WDR1: variants seen among roughly 807,000 people sequenced by gnomAD.
The protein encoded by WDR1 is WD repeat-containing protein 1.
WDR1 carries 21 observed loss-of-function variants against 71.9 expected under a neutral mutation model. The observed-to-expected ratio is 0.29, with a 90% confidence interval of 0.21 to 0.42. WDR1 has a LOEUF of 0.42. Ranked by LOEUF, WDR1 falls within the 10% of genes least tolerant of loss-of-function variation. The pLI is 1.00. For synonymous variants in WDR1, 424 were observed against 347.4 expected (o/e 1.22, Z -2.45); for missense variants, 696 against 824.5 (o/e 0.84, Z 1.91).
At chr4:10,107,358 T>C (rs4697920) in intron 2 of WDR1, among the ~76,000 whole-genome samples, 152,101 of 152,334 alleles carry the variant, frequency 1, 75,934 homozygotes, top group Middle Eastern at 1. Flanking sequence ...CCTCCTGTTC[T>C]TCCTGGGAAG....
intron 1 of WDR1, 168 bp downstream of exon 1, chr4:10,116,483 G>T (rs1265917132): frequency 1.2e-5 from 9 of 725,406 alleles, no homozygotes; most frequent in African/African-American, 1.9e-5. Flanking sequence ...CCCCCGTCGG[G>T]GGTCCCGCCC....
intron 8 of WDR1, among the ~76,000 whole-genome samples, chr4:10,085,367 A>T (rs1022013873): frequency 2.0e-5 from 3 of 152,240 alleles, no homozygotes; most frequent in Non-Finnish European, 4.4e-5. Flanking sequence ...CACAGTTACC[A>T]GTGGGACTGG....
chr4:10,112,435 C>G (rs1179993802), intron 2 of WDR1, among the ~76,000 whole-genome samples: 1 of 152,200 alleles, frequency 6.6e-6, no homozygotes, highest in Non-Finnish European at 1.5e-5. Flanking sequence ...ATATTAGTTT[C>G]TACATGGCCA....
At position 10,084,448 on chromosome 4, in the gene WDR1, T is replaced by A; in HGVS notation, c.1034A>T (p.His345Leu). ...SYIYSGSHDG[H>L]INYWDSETGE... ...CTCTTTGAGTCAAAGGATATTAATGTGTCCGTCGTGGCTCCCAGAGTAAAT... is the reference window on the plus strand; with the variant it reads ...CTCTTTGAGTCAAAGGATATTAATGAGTCCGTCGTGGCTCCCAGAGTAAAT... The change falls in exon 9 of 15, where the codon CAC becomes CTC. Residue 345 changes from histidine (H) to leucine (L), a missense_variant. His to Leu is a moderately conservative substitution (Grantham distance 99). Coordinates refer to ENST00000499869, the MANE Select transcript of WDR1 (RefSeq NM_017491.5). 1 of 1,613,652 alleles carries A rather than the reference T, an allele frequency of 6.2e-7. No individual in the cohort carries two copies. Among genetic ancestry groups the A allele is most frequent in the Non-Finnish European group, 8.5e-7 (1 of 1,179,684 alleles).
rs1046640829 is a variant in WDR1, at chr4:10,088,526, G to C, written c.636+138C>G. Reference sequence around the variant, plus strand: ...AGACATGCATTTACTGGGCTCTGACGACGAGTCTGCAGATGTGGGGAGGGC... The same window carrying C: ...AGACATGCATTTACTGGGCTCTGACCACGAGTCTGCAGATGTGGGGAGGGC... On this transcript the variant is annotated intron_variant, in intron 6 of 14. Coordinates refer to ENST00000499869, the MANE Select transcript of WDR1 (RefSeq NM_017491.5). The C allele has an allele frequency of 4.5e-6, 5 of 1,113,198 alleles. No homozygotes were observed. In the Admixed American group the frequency reaches 9.9e-5, roughly 22 times the overall value. 69.0% of individuals were successfully genotyped at this position (1,113,198 alleles called of 1,614,324 possible).
rs372849742 is a variant in WDR1 at position 10,099,072 on chromosome 4, C to T, written c.297G>A (p.Gln99=). The change falls in exon 4 of 15, where the codon CAG becomes CAA. Residue 99 remains glutamine (Q), a synonymous_variant. Coordinates refer to ENST00000499869, the MANE Select transcript of WDR1 (RefSeq NM_017491.5). ...QKEHLLKYEY[Q]PFAGKIKDIA... Reference sequence around the variant, plus strand: ...TGTCTTTGATCTTCCCAGCGAAAGGCTGGTACTCATACTTCAACAGGTGCT... The same window carrying T: ...TGTCTTTGATCTTCCCAGCGAAAGGTTGGTACTCATACTTCAACAGGTGCT... 7 of 1,610,602 alleles carry T rather than the reference C, an allele frequency of 4.3e-6. No homozygotes were observed. Among genetic ancestry groups the T allele is most frequent in the Middle Eastern group, 1.7e-4 (1 of 6,044 alleles).
intron 6 of WDR1, 119 bp downstream of exon 6, chr4:10,088,545 G>C (rs746146721): frequency 1.8e-6 from 2 of 1,127,210 alleles, no homozygotes; most frequent in Non-Finnish European, 2.6e-6. Flanking sequence ...GCAGATGTGG[G>C]GAGGGCGATG....
chr4:10,079,090 C>T, intron 11 of WDR1, 89 bp from the exon 12 acceptor site: 1 of 1,106,836 alleles, frequency 9.0e-7, no homozygotes, highest in Non-Finnish European at 1.3e-6. Flanking sequence ...TGTCGGGGCT[C>T]ACTGGAGCTG....
At chr4:10,116,441 G>T in intron 1 of WDR1, 1 of 842,390 alleles carries the variant, frequency 1.2e-6, no homozygotes, top group Non-Finnish European at 1.7e-6. Flanking sequence ...GGCTCCTCCG[G>T]CTCGGCCCAC....
Position 10,088,223 on chromosome 4 carries a change from G to C in WDR1, c.717+70C>G. On this transcript the variant is annotated intron_variant, in intron 7 of 14. Coordinates refer to ENST00000499869, the MANE Select transcript of WDR1 (RefSeq NM_017491.5). Reference sequence around the variant, plus strand: ...AAGTTTTTGTCTAACTCCGGAGTGAGTGTGGATGGACTGACACGTGGACTC... The same window carrying C: ...AAGTTTTTGTCTAACTCCGGAGTGACTGTGGATGGACTGACACGTGGACTC... 5.0e-6 allele frequency: 7 copies of C among 1,409,834 alleles called. No individual in the cohort carries two copies. The South Asian group carries it at 7.4e-5, about 15-fold the overall frequency. The allele number at this position is 1,409,834 out of a possible 1,614,324, so 87.3% of individuals were successfully genotyped here. A position where few individuals can be genotyped will look rare whatever the true frequency, so the allele number is the denominator to read the frequency against.
chr4:10,100,572 GCT>G (rs1487873986), intron 3 of WDR1, among the ~76,000 whole-genome samples: 1 of 152,240 alleles, frequency 6.6e-6, no homozygotes, highest in Non-Finnish European at 1.5e-5. Context: ...GGACTGTCCT[GCT>G]CTCAGTCCAG....
chr4:10,082,943 C>G (rs768127946), intron 10 of WDR1, 79 bp downstream of exon 10: 1 of 1,511,920 alleles, frequency 6.6e-7, no homozygotes, highest in Non-Finnish European at 8.9e-7. Context: ...TCCTCCAGAA[C>G]AGTAACTGCT....
At chr4:10,114,941 G>C (rs1045058387) in intron 2 of WDR1, among the ~76,000 whole-genome samples, 4 of 152,174 alleles carry the variant, frequency 2.6e-5, no homozygotes, top group Non-Finnish European at 5.9e-5. Context: ...CAGCTCTTCG[G>C]ACCAAGAGGC....
rs375351843 is a variant in WDR1 at position 10,078,809 on chromosome 4, C to A, written c.1395+82G>T. The A allele has an allele frequency of 4.4e-5, 54 of 1,232,360 alleles. No individual in the cohort carries two copies. The East Asian group carries it at 6.9e-4, about 16-fold the overall frequency. The allele number at this position is 1,232,360 out of a possible 1,614,324, so 76.3% of individuals were successfully genotyped here. On this transcript the variant is annotated intron_variant, in intron 12 of 14. Transcript: ENST00000499869. Reference sequence around the variant, plus strand: ...ACCCCTCGCCTTCCCTGAGACAGCCCCGGTACTCACACAGCTCACACTGTC... The same window carrying A: ...ACCCCTCGCCTTCCCTGAGACAGCCACGGTACTCACACAGCTCACACTGTC...
chr4:10,075,408 G>C lies in WDR1; in HGVS notation c.1791C>G (p.Ala597=). ...AGGTGATTGTCCACTCCTTGACAGA[G>C]GCATCATGGGAGGTCGTGACCAGCG... is the stretch of plus-strand genomic sequence containing the variant. ...EHTLVTTSHD[A]SVKEWTITY The change falls in exon 15 of 15, where the codon GCC becomes GCG. Residue 597 remains alanine (A), a synonymous_variant. Transcript: ENST00000499869. 2 of 1,614,004 alleles carry C rather than the reference G, an allele frequency of 1.2e-6. No individual in the cohort carries two copies. The highest frequency in any genetic ancestry group is 1.7e-6 in the Non-Finnish European group (2 of 1,179,892).
chr4:10,084,624 G>A (rs910031122), intron 8 of WDR1, 94 bp from the exon 9 acceptor site: 157 of 1,180,496 alleles, frequency 1.3e-4, no homozygotes, highest in Non-Finnish European at 1.8e-4. Flanking sequence ...GGGTAATGGA[G>A]GGGGCAGACG....
rs376046915 is a variant in WDR1, at chr4:10,077,247, G to A, written c.1714+57C>T. 51 of 1,602,816 alleles carry A rather than the reference G, an allele frequency of 3.2e-5. 2 individuals carry two copies. The highest frequency in any genetic ancestry group is 3.1e-4 in the South Asian group (28 of 90,104). ...AAGCCAGGGGACAGCCTGTGAGGTG[G>A]CCCATGGAGCCCCGAACCATGGGTG... is the stretch of plus-strand genomic sequence containing the variant. On this transcript the variant is annotated intron_variant, in intron 14 of 14. Coordinates refer to ENST00000499869, the MANE Select transcript of WDR1 (RefSeq NM_017491.5).
intron 11 of WDR1, among the ~76,000 whole-genome samples, chr4:10,080,449 C>A (rs111979584): frequency 6.6e-6 from 1 of 152,240 alleles, no homozygotes. Flanking sequence ...TCCCCACCCC[C>A]ACTGGCTGTC....
intron 2 of WDR1, among the ~76,000 whole-genome samples, chr4:10,108,742 C>A (rs1268398837): frequency 6.6e-6 from 1 of 152,240 alleles, no homozygotes; most frequent in Non-Finnish European, 1.5e-5. Flanking sequence ...ACTTCTGCGA[C>A]AACACAACGC....
Sources: gnomAD v4.1 joint callset for allele counts (sites outside exome capture counted in the v4.1 genomes callset) on GRCh38, gnomAD v4.1.1 for gene constraint, MANE v1.5 for transcripts, NCBI Gene and HGNC (gene_info 2026-07-23, HGNC 2026-07-21) for gene names.